NAALADL2: variants seen among roughly 807,000 people sequenced by gnomAD.
NAALADL2 encodes the protein inactive N-acetylated-alpha-linked acidic dipeptidase-like protein 2.
In NAALADL2, 76 loss-of-function variants were observed where a neutral mutation model predicts 87.2. That is an observed-to-expected ratio of 0.87 (90% CI 0.72 to 1.05). The LOEUF is 1.05. Among genes scored for constraint, NAALADL2 ranks in the 50% least tolerant of loss-of-function variants. The pLI is 0.00. For synonymous variants in NAALADL2, 354 were observed against 331.0 expected (o/e 1.07, Z -0.75); for missense variants, 1,089 against 945.8 (o/e 1.15, Z -1.99).
At chr3:175,047,200 A>G (rs1434322867) in intron 1 of NAALADL2, among the ~76,000 whole-genome samples, 1 of 152,182 alleles carries the variant, frequency 6.6e-6, no homozygotes, top group Non-Finnish European at 1.5e-5. Flanking sequence ...AGAGGGACAC[A>G]AACATTCTGT....
intron 2 of NAALADL2, among the ~76,000 whole-genome samples, chr3:174,607,734 C>A (rs1000608701): frequency 7.9e-5 from 12 of 152,138 alleles, no homozygotes; most frequent in East Asian, 5.8e-4. Context: ...TTAACACCCC[C>A]CTGTCAACAT....
At chr3:174,713,217 G>A (rs1352101989) in intron 2 of NAALADL2, among the ~76,000 whole-genome samples, 1 of 152,136 alleles carries the variant, frequency 6.6e-6, no homozygotes, top group African/African-American at 2.4e-5. Context: ...CGGACATTTG[G>A]GTTGGTTCCA....
chr3:174,595,601 C>T (rs653294), intron 2 of NAALADL2, among the ~76,000 whole-genome samples: 73,354 of 151,986 alleles, frequency 0.48, 20,532 homozygotes, highest in East Asian at 0.8. Flanking sequence ...GCATGCTCTC[C>T]CTTTTCTTTT....
chr3:175,467,249 A>G, intron 8 of NAALADL2, 65 bp downstream of exon 8: 1 of 1,390,106 alleles, frequency 7.2e-7, no homozygotes, highest in Middle Eastern at 2.0e-4. Context: ...TAGACAAAGT[A>G]AAATTTTCAA....
chr3:175,663,751 G>A (rs1287773284), intron 11 of NAALADL2, among the ~76,000 whole-genome samples: 1 of 151,610 alleles, frequency 6.6e-6, no homozygotes, highest in African/African-American at 2.4e-5. Context: ...ATTAAAATTG[G>A]CACAAGATTT....
intron 5 of NAALADL2, among the ~76,000 whole-genome samples, chr3:175,439,722 T>G (rs35760005): frequency 0.054 from 7,344 of 135,884 alleles, 450 homozygotes; most frequent in East Asian, 0.15. Flanking sequence ...GTGTTTGTGG[T>G]TTTTTTTTCT....
chr3:174,547,101 A>T (rs970875735), intron 1 of NAALADL2, among the ~76,000 whole-genome samples: 3 of 152,112 alleles, frequency 2.0e-5, no homozygotes, highest in African/African-American at 2.4e-5. Flanking sequence ...CACAAACTTA[A>T]TTTTATAATG....
intron 2 of NAALADL2, among the ~76,000 whole-genome samples, chr3:175,135,006 C>CT (rs1412741557): frequency 3.3e-5 from 5 of 151,990 alleles, no homozygotes; most frequent in African/African-American, 1.2e-4. Context: ...AAGTTTTGCC[C>CT]TTTTTTACTT....
At chr3:174,483,155 A>T (rs1330915412) in intron 1 of NAALADL2, among the ~76,000 whole-genome samples, 1 of 152,012 alleles carries the variant, frequency 6.6e-6, no homozygotes, top group Admixed American at 6.6e-5. Flanking sequence ...GTTAGTGGCA[A>T]TGAAAATAAT....
chr3:175,094,313 A>T (rs1379378312), intron 1 of NAALADL2, among the ~76,000 whole-genome samples: 1 of 152,056 alleles, frequency 6.6e-6, no homozygotes, highest in Non-Finnish European at 1.5e-5. Flanking sequence ...GAGAAAAAAA[A>T]ATTGACTGGT....
intron 3 of NAALADL2, among the ~76,000 whole-genome samples, chr3:174,786,690 A>G (rs550517901): frequency 2.0e-5 from 3 of 152,188 alleles, no homozygotes; most frequent in Admixed American, 2.0e-4. Flanking sequence ...ACTAGGCAAG[A>G]TCAGGTGAAA....
chr3:175,424,711 G>A (rs940359521), intron 5 of NAALADL2, among the ~76,000 whole-genome samples: 42 of 152,246 alleles, frequency 2.8e-4, no homozygotes, highest in Middle Eastern at 3.4e-3. Context: ...TTGAAGTCAG[G>A]TAGCGTGATG....
intron 10 of NAALADL2, among the ~76,000 whole-genome samples, chr3:175,626,695 C>T: frequency 6.6e-6 from 1 of 151,870 alleles, no homozygotes; most frequent in Non-Finnish European, 1.5e-5. Flanking sequence ...CAGTTACATG[C>T]TTCTCCATAT....
rs58514374 is a variant in NAALADL2, at chr3:175,667,743, GTT to G, written c.1896+40374_1896+40375del. On this transcript the variant is annotated intron_variant, in intron 11 of 13. Transcript: ENST00000454872. The stretch of plus-strand genomic sequence containing the variant: ...CTCAGATATCTGTGTGTTTTTTGCT[GTT>G]TTTTTTTTTTTTTTTTCTGTAACAG... Among the ~76,000 whole-genome samples, 297 of 120,026 alleles carry G rather than the reference GTT, an allele frequency of 2.5e-3. 2 individuals carry two copies. Among genetic ancestry groups the G allele is most frequent in the African/African-American group, 7.9e-3 (271 of 34,174 alleles). 78.7% of individuals were successfully genotyped at this position (120,026 alleles called of 152,430 possible). A position where few individuals can be genotyped will look rare whatever the true frequency, so the allele number is the denominator to read the frequency against.
intron 4 of NAALADL2, among the ~76,000 whole-genome samples, chr3:175,266,692 A>G (rs1275949296): frequency 6.6e-6 from 1 of 151,820 alleles, no homozygotes; most frequent in Non-Finnish European, 1.5e-5. Flanking sequence ...TTCGTCATAT[A>G]TAAACATGAG....
chr3:174,713,393 C>T (rs373780871), intron 2 of NAALADL2, among the ~76,000 whole-genome samples: 58 of 152,174 alleles, frequency 3.8e-4, no homozygotes, highest in East Asian at 2.9e-3. Flanking sequence ...ACTTCCACAA[C>T]GGTTGAACTA....
At chr3:175,574,710 G>A (rs1718604326) in intron 9 of NAALADL2, among the ~76,000 whole-genome samples, 1 of 152,044 alleles carries the variant, frequency 6.6e-6, no homozygotes, top group African/African-American at 2.4e-5. Flanking sequence ...TAACCACAGG[G>A]ACATCTACCT....
intron 2 of NAALADL2, among the ~76,000 whole-genome samples, chr3:174,716,008 T>A (rs772424899): frequency 1.3e-5 from 2 of 152,194 alleles, no homozygotes; most frequent in Non-Finnish European, 2.9e-5. Flanking sequence ...GTTCTTCTCA[T>A]GTTTGCATGC....
chr3:175,303,841 A>G (rs910417424), intron 4 of NAALADL2, among the ~76,000 whole-genome samples: 11 of 152,164 alleles, frequency 7.2e-5, no homozygotes, highest in African/African-American at 2.4e-4. Context: ...TTCACAATTT[A>G]CCAATTGCCT....
Sources: allele counts gnomAD v4.1 joint callset (sites outside exome capture counted in the v4.1 genomes callset), GRCh38; gene constraint gnomAD v4.1.1; transcripts MANE v1.5; gene names NCBI Gene and HGNC (gene_info 2026-07-23, HGNC 2026-07-21).